Variants in VPS13A observed in about 807,000 individuals in gnomAD.
VPS13A encodes the protein intermembrane lipid transfer protein VPS13A.
A neutral mutation model predicts 390.9 loss-of-function variants in VPS13A; 264 were observed. The ratio of observed to expected loss-of-function variants is 0.68; its 90% confidence interval spans 0.61 to 0.75. The LOEUF is 0.75. Among genes scored for constraint, VPS13A ranks in the 30% least tolerant of loss-of-function variants. VPS13A has a pLI of 0.00. For synonymous variants in VPS13A, 1,231 were observed against 1,227.1 expected, an observed-to-expected ratio of 1.00 and a Z score of -0.07; for missense variants, 3,409 against 3,733.9, an observed-to-expected ratio of 0.91 and a Z score of 2.27.
In VPS13A at chr9:77,260,071, A is replaced by G. The variant is rs759830487; in HGVS notation, c.2289-15A>G. The G allele has an allele frequency of 1.3e-5, 18 of 1,414,184 alleles. No individual in the cohort carries two copies. Among genetic ancestry groups the G allele is most frequent in the Admixed American group, 1.8e-5 (1 of 55,568 alleles). 87.6% of individuals were successfully genotyped at this position (1,414,184 alleles called of 1,614,324 possible). On this transcript the variant is annotated splice_polypyrimidine_tract_variant and intron_variant, in intron 22 of 71. Coordinates refer to ENST00000360280, the MANE Select transcript of VPS13A (RefSeq NM_033305.3). ...AATTCCTTTATAATTACTTATTTTT[A>G]TCTTTTCAAAACAGATTCAAGATTT...
intron 45 of VPS13A, among the ~76,000 whole-genome samples, chr9:77,330,791 A>C (rs1456294576): frequency 6.6e-6 from 1 of 152,156 alleles, no homozygotes; most frequent in African/African-American, 2.4e-5. Context: ...TTAAAAAAAA[A>C]AATACATGAA....
intron 1 of VPS13A, among the ~76,000 whole-genome samples, chr9:77,182,722 C>T (rs562311436): frequency 2.0e-5 from 3 of 152,198 alleles, no homozygotes; most frequent in South Asian, 2.1e-4. Flanking sequence ...TTGTTTTCTC[C>T]GAAATCACAA....
chr9:77,406,670 G>C (rs1158340220), intron 70 of VPS13A, among the ~76,000 whole-genome samples: 1 of 151,592 alleles, frequency 6.6e-6, no homozygotes, highest in Non-Finnish European at 1.5e-5. Context: ...GCCTGCCTCA[G>C]CCTCCCAAAG....
At position 77,280,188 on chromosome 9, in the gene VPS13A, A is replaced by G; in HGVS notation, c.2854A>G (p.Thr952Ala). Residue 952 changes from threonine to alanine, a missense_variant, in exon 27 of 72, where the codon ACA (threonine) becomes GCA (alanine). Coordinates refer to ENST00000360280, the MANE Select transcript of VPS13A (RefSeq NM_033305.3). Reference sequence around the variant, plus strand: ...AAACAAGAAACCAGTTTATTTGGTTACAACCCTGGATAACACAATGGAAGA... The same window carrying G: ...AAACAAGAAACCAGTTTATTTGGTTGCAACCCTGGATAACACAATGGAAGA... ...DENKKPVYLVTTLDNTMEDLL... is the reference protein window; with the variant it reads ...DENKKPVYLVATLDNTMEDLL... 6.2e-7 allele frequency: 1 copy of G among 1,612,352 alleles called. No individual in the cohort carries two copies. The highest frequency in any genetic ancestry group is 1.7e-4 in the Middle Eastern group (1 of 5,874).
chr9:77,209,854 A>G (rs903659451), intron 6 of VPS13A, among the ~76,000 whole-genome samples: 14 of 152,164 alleles, frequency 9.2e-5, no homozygotes, highest in Non-Finnish European at 7.4e-5. Context: ...TGGTCTAGCA[A>G]TTAGTGGAGC....
At chr9:77,203,461 T>TCAA in intron 3 of VPS13A, among the ~76,000 whole-genome samples, 1 of 152,140 alleles carries the variant, frequency 6.6e-6, no homozygotes, top group South Asian at 2.1e-4. Flanking sequence ...CTAATTTTTG[T>TCAA]AGTTTTTGTA....
chr9:77,283,367 C>T lies in VPS13A; in HGVS notation c.3131C>T (p.Ser1044Phe), dbSNP rs761945196. Reference sequence around the variant, plus strand: ...TTTTTTTTTGCAGCTTTAAAACTATCCACAAATGAAGATATCATTACTTTG... The same window carrying T: ...TTTTTTTTTGCAGCTTTAAAACTATTCACAAATGAAGATATCATTACTTTG... ...DVIKKLALKLSTNEDIITLQI... is the reference protein window; with the variant it reads ...DVIKKLALKLFTNEDIITLQI... The change falls in exon 30 of 72, where the codon TCC (serine) becomes TTC (phenylalanine). Residue 1044 changes from serine to phenylalanine, a missense_variant. Physicochemically the swap from Ser to Phe is radical, Grantham distance 155. Transcript: ENST00000360280. The T allele has an allele frequency of 6.3e-7, 1 of 1,590,890 alleles. No homozygotes were observed. The highest frequency in any genetic ancestry group is 2.2e-5 in the East Asian group (1 of 44,556).
chr9:77,269,352 G>A (rs1826223930), intron 23 of VPS13A, among the ~76,000 whole-genome samples: 1 of 152,118 alleles, frequency 6.6e-6, no homozygotes, highest in African/African-American at 2.4e-5. Context: ...GACTATATAT[G>A]TGTAAGTCTA....
intron 3 of VPS13A, among the ~76,000 whole-genome samples, chr9:77,204,548 A>G: frequency 6.6e-6 from 1 of 152,206 alleles, no homozygotes; most frequent in Middle Eastern, 3.4e-3. Context: ...GTGAATTACT[A>G]TACATACATA....
chr9:77,299,791 G>A (rs891032463), intron 33 of VPS13A, among the ~76,000 whole-genome samples: 1 of 152,082 alleles, frequency 6.6e-6, no homozygotes, highest in African/African-American at 2.4e-5. Flanking sequence ...GGATGAAGCT[G>A]GAAACCATCA....
In VPS13A at chr9:77,332,049, G is replaced by A. The variant is rs1830305037; in HGVS notation, c.6031G>A (p.Gly2011Arg). Residue 2011 changes from glycine to arginine, a missense_variant, in exon 46 of 72, where the codon GGG becomes AGG. Coordinates refer to ENST00000360280, the MANE Select transcript of VPS13A (RefSeq NM_033305.3). ...HFSVPLSVYE[G>R]DTLLGTASPE... is the part of the protein sequence containing the mutation. ...TTCAGTCCCACTGTCTGTTTACGAAGGGGATACCTTATTGGGAACTGCCTC... is the reference window on the plus strand; with the variant it reads ...TTCAGTCCCACTGTCTGTTTACGAAAGGGATACCTTATTGGGAACTGCCTC... 3 of 1,612,020 alleles carry A rather than the reference G, an allele frequency of 1.9e-6. No homozygotes were observed. Among genetic ancestry groups the A allele is most frequent in the Non-Finnish European group, 2.5e-6 (3 of 1,178,614 alleles).
At chr9:77,337,966 ACC>A in intron 47 of VPS13A, 1 of 155,206 alleles carries the variant, frequency 6.4e-6, no homozygotes. Flanking sequence ...TTTTAGAATT[ACC>A]ATTTGCTTTT....
chr9:77,281,331 A>G (rs972195891), intron 27 of VPS13A, among the ~76,000 whole-genome samples: 1 of 152,226 alleles, frequency 6.6e-6, no homozygotes, highest in African/African-American at 2.4e-5. Flanking sequence ...AAGCGAGGTG[A>G]CAGATATGTT....
chr9:77,316,199 G>T lies in VPS13A; in HGVS notation c.4656G>T (p.Trp1552Cys). 1 of 1,611,434 alleles carries T rather than the reference G, an allele frequency of 6.2e-7. No individual in the cohort carries two copies. The highest frequency in any genetic ancestry group is 8.5e-7 in the Non-Finnish European group (1 of 1,178,264). ...EEVPTQESVKWEINVIIKNPE... is the reference protein window; with the variant it reads ...EEVPTQESVKCEINVIIKNPE... ...TACCTACACAGGAATCAGTGAAGTG[G>T]GAAATTAATGTTATTATTAAAAATC... is the stretch of plus-strand genomic sequence containing the variant. The change falls in exon 39 of 72, where the codon TGG becomes TGT. Residue 1552 changes from tryptophan to cysteine, a missense_variant. Physicochemically the swap from Trp to Cys is radical, Grantham distance 215. This residue lies in a region of VPS13A where 2,717 missense variants were observed against 2,917.4 expected (regional missense o/e 0.93). Coordinates refer to ENST00000360280, the MANE Select transcript of VPS13A (RefSeq NM_033305.3).
At chr9:77,224,962 A>G (rs780204951) in intron 13 of VPS13A, among the ~76,000 whole-genome samples, 3 of 152,218 alleles carry the variant, frequency 2.0e-5, no homozygotes, top group Non-Finnish European at 4.4e-5. Context: ...TCGAGGCAAG[A>G]TCCTCCATCA....
At chr9:77,310,080 G>A (rs1226051646) in intron 35 of VPS13A, among the ~76,000 whole-genome samples, 1 of 152,096 alleles carries the variant, frequency 6.6e-6, no homozygotes, top group East Asian at 1.9e-4. Context: ...CACCCAAAAT[G>A]TGAAAAGAAA....
chr9:77,354,251 A>G (rs1417388967), intron 54 of VPS13A, among the ~76,000 whole-genome samples: 2 of 152,098 alleles, frequency 1.3e-5, no homozygotes, highest in South Asian at 2.1e-4. Context: ...ATTCTTGAAT[A>G]TATATAAAGG....
Position 77,181,081 on chromosome 9 carries a change from T to C in VPS13A, c.100+3277T>C, listed in dbSNP as rs915987507. Among the ~76,000 whole-genome samples the C allele has an allele frequency of 7.2e-5, 11 of 152,202 alleles. 1 individual carries two copies. Among genetic ancestry groups the C allele is most frequent in the Admixed American group, 5.2e-4 (8 of 15,264 alleles). ...TAAAATAAAATAACATGTCAGTGTT[T>C]TATTTATAGAAATTGGTTATGTTTT... On this transcript the variant is annotated intron_variant, in intron 1 of 71. Coordinates refer to ENST00000360280, the MANE Select transcript of VPS13A (RefSeq NM_033305.3).
intron 23 of VPS13A, among the ~76,000 whole-genome samples, chr9:77,270,988 A>G (rs769272948): frequency 6.6e-6 from 1 of 152,180 alleles, no homozygotes; most frequent in African/African-American, 2.4e-5. Context: ...CGCAAATATA[A>G]CAGGAGAAAA....
Sources: gnomAD v4.1 joint callset for allele counts (sites outside exome capture counted in the v4.1 genomes callset) on GRCh38, gnomAD v4.1.1 for gene constraint, gnomAD v4.1.1 regional missense constraint, MANE v1.5 for transcripts, NCBI Gene and HGNC (gene_info 2026-07-23, HGNC 2026-07-21) for gene names.